The following CRTC1 variants were observed in gnomAD, a reference collection of about 807,000 sequenced individuals.
CRTC1 encodes CREB regulated transcription coactivator 1, also known as CREB-regulated transcription coactivator 1.
Under a neutral mutation model 66.1 loss-of-function variants are expected in CRTC1, and 18 were observed. That is an observed-to-expected ratio of 0.27 (90% CI 0.19 to 0.40). CRTC1 has a LOEUF of 0.40. Ranked by LOEUF, CRTC1 falls within the 10% of genes least tolerant of loss-of-function variation. CRTC1 has a pLI of 1.00. For synonymous variants in CRTC1, 416 were observed against 398.8 expected (o/e 1.04, Z -0.51); for missense variants, 669 against 887.9 (o/e 0.75, Z 3.13).
In CRTC1 at chr19:18,778,587, C is replaced by T; in HGVS notation, c.*1205C>T. The T allele has an allele frequency of 4.3e-6, 1 of 230,920 alleles. No homozygotes were observed. The highest frequency in any genetic ancestry group is 8.6e-6 in the Non-Finnish European group (1 of 116,574). 14.3% of individuals were successfully genotyped at this position (230,920 alleles called of 1,614,324 possible). A position where few individuals can be genotyped will look rare whatever the true frequency, so the allele number is the denominator to read the frequency against. On this transcript the variant is annotated 3_prime_UTR_variant, in exon 14 of 14. Transcript: ENST00000321949. ...GGCAGAGGTGCCTCTGCCAGGGCCA[C>T]AGAACAGACTTCCGGGAAGGGGCCT... is the stretch of plus-strand genomic sequence containing the variant.
intron 11 of CRTC1, among the ~76,000 whole-genome samples, chr19:18,773,125 G>T (rs956737778): frequency 6.6e-6 from 1 of 152,166 alleles, no homozygotes; most frequent in African/African-American, 2.4e-5. Context: ...TCTGGTGTCC[G>T]TCGTGCGCTG....
At chr19:18,772,702 C>T (rs2054897125) in intron 11 of CRTC1, among the ~76,000 whole-genome samples, 1 of 152,222 alleles carries the variant, frequency 6.6e-6, no homozygotes, top group African/African-American at 2.4e-5. Context: ...TCTGGGACCA[C>T]TGCCTGTAGC....
chr19:18,744,991 G>A (rs2054199122), intron 2 of CRTC1, among the ~76,000 whole-genome samples: 3 of 152,222 alleles, frequency 2.0e-5, no homozygotes, highest in Non-Finnish European at 1.5e-5. Context: ...CCAGATGGCC[G>A]GACTGGGGGA....
At chr19:18,726,212 C>T (rs1233779528) in intron 1 of CRTC1, among the ~76,000 whole-genome samples, 1 of 152,256 alleles carries the variant, frequency 6.6e-6, no homozygotes, top group African/African-American at 2.4e-5. Context: ...AGGCACTCGG[C>T]GGACGCTGCC....
At chr19:18,721,492 CTTTTTTTT>C (rs56049346) in intron 1 of CRTC1, among the ~76,000 whole-genome samples, 1 of 122,104 alleles carries the variant, frequency 8.2e-6, no homozygotes, top group Non-Finnish European at 1.6e-5. Context: ...CACACCCGGC[CTTTTTTTT>C]TTTTTTTTTT....
chr19:18,728,727 A>G (rs2053815648), intron 1 of CRTC1, among the ~76,000 whole-genome samples: 1 of 149,922 alleles, frequency 6.7e-6, no homozygotes, highest in Non-Finnish European at 1.5e-5. Context: ...CTGGTCTAGA[A>G]CTCCTGACCT....
At chr19:18,691,960 G>A (rs11672177) in intron 1 of CRTC1, among the ~76,000 whole-genome samples, 13,000 of 152,112 alleles carry the variant, frequency 0.085, 703 homozygotes, top group Non-Finnish European at 0.12. Flanking sequence ...TGATCCACCT[G>A]CCTCGGCCTC....
chr19:18,726,344 G>T (rs1486007558), intron 1 of CRTC1, among the ~76,000 whole-genome samples: 1 of 152,264 alleles, frequency 6.6e-6, no homozygotes, highest in Admixed American at 6.5e-5. Flanking sequence ...AGGAGGCCCA[G>T]GCCCGGGAGG....
intron 6 of CRTC1, among the ~76,000 whole-genome samples, chr19:18,758,289 G>T (rs2054536542): frequency 6.6e-6 from 1 of 151,410 alleles, no homozygotes; most frequent in African/African-American, 2.4e-5. Context: ...GAACCCGGGA[G>T]GCGGAGCTTG....
intron 1 of CRTC1, among the ~76,000 whole-genome samples, chr19:18,738,317 A>AAAAT (rs894376280): frequency 2.0e-5 from 3 of 152,206 alleles, no homozygotes; most frequent in African/African-American, 7.2e-5. Context: ...AGCCTGTCTC[A>AAAAT]AAATAAATAA....
At position 18,768,740 on chromosome 19, in the gene CRTC1, C is replaced by A. The variant is rs903948333; in HGVS notation, c.1267C>A (p.Gln423Lys). ...AGTCACGGTACCGTCCTCTCTCCCC[C>A]AGTCCCCCCCAGAGAACCCTGGCCA... is the stretch of plus-strand genomic sequence containing the variant. ...LAVTVPSSLPQSPPENPGQPS... is the reference protein window; with the variant it reads ...LAVTVPSSLPKSPPENPGQPS... The change falls in exon 10 of 14, where the codon CAG becomes AAG. Residue 423 changes from glutamine (Q) to lysine (K), a missense_variant. Transcript: ENST00000321949. The surrounding 1 kb of genome is among the most constrained non-coding windows in gnomAD (Gnocchi z 5.6). 2.5e-6 allele frequency: 4 copies of A among 1,599,864 alleles called. No homozygotes were observed. The East Asian group carries it at 6.8e-5, about 27-fold the overall frequency.
At chr19:18,711,553 A>G (rs1204302338) in intron 1 of CRTC1, among the ~76,000 whole-genome samples, 1 of 152,220 alleles carries the variant, frequency 6.6e-6, no homozygotes, top group Non-Finnish European at 1.5e-5. Flanking sequence ...AATGCTTCTC[A>G]GACCTCAGGA....
At chr19:18,728,159 G>A (rs2053802410) in intron 1 of CRTC1, among the ~76,000 whole-genome samples, 1 of 152,164 alleles carries the variant, frequency 6.6e-6, no homozygotes. Flanking sequence ...TGGACCAAGG[G>A]GGACTCTGGG....
In CRTC1 at chr19:18,683,839, T is replaced by G. The variant is rs2052618040; in HGVS notation, c.126+11T>G. 1 of 1,224,772 alleles carries G rather than the reference T, an allele frequency of 8.2e-7. No individual in the cohort carries two copies. Among genetic ancestry groups the G allele is most frequent in the African/African-American group, 1.7e-5 (1 of 59,646 alleles). 75.9% of individuals were successfully genotyped at this position (1,224,772 alleles called of 1,614,324 possible). On this transcript the variant is annotated intron_variant, in intron 1 of 13. Coordinates refer to ENST00000321949, the MANE Select transcript of CRTC1 (RefSeq NM_015321.3). ...ACGCGGGCCGCGCGGGTAAGGGGGC[T>G]GCCCGCGCCGACCCTTCAGGGCCGG...
At chr19:18,770,218 C>G (rs897536480) in intron 10 of CRTC1, among the ~76,000 whole-genome samples, 7 of 152,354 alleles carry the variant, frequency 4.6e-5, no homozygotes, top group African/African-American at 1.7e-4. Flanking sequence ...TGGTCTGAAT[C>G]CGGGGCCTGG....
intron 1 of CRTC1, among the ~76,000 whole-genome samples, chr19:18,699,521 G>A (rs2053079117): frequency 6.6e-6 from 1 of 152,168 alleles, no homozygotes; most frequent in African/African-American, 2.4e-5. Context: ...CTGCAGCAGT[G>A]AGGGTTTGGA....
intron 10 of CRTC1, among the ~76,000 whole-genome samples, chr19:18,769,198 C>G (rs2054808326): frequency 6.6e-6 from 1 of 152,220 alleles, no homozygotes; most frequent in South Asian, 2.1e-4. Flanking sequence ...AAAGACGAGG[C>G]CAGTCCAAGA....
Position 18,693,583 on chromosome 19 carries a change from G to A in CRTC1, c.126+9755G>A, listed in dbSNP as rs576274138. 1.4e-4 allele frequency among the ~76,000 whole-genome samples: 21 copies of A among 148,504 alleles called. No homozygotes were observed. In the East Asian group the frequency reaches 1.9e-3, roughly 14 times the overall value. ...TGCAAGCTCCGCCTCCTGGGTTCACGCCCTTCTCCTGCCTCAGCCTCCTGA... is the reference window on the plus strand; with the variant it reads ...TGCAAGCTCCGCCTCCTGGGTTCACACCCTTCTCCTGCCTCAGCCTCCTGA... On this transcript the variant is annotated intron_variant, in intron 1 of 13. Transcript: ENST00000321949.
chr19:18,770,734 GAT>G (rs2054844000), intron 10 of CRTC1, among the ~76,000 whole-genome samples: 1 of 151,500 alleles, frequency 6.6e-6, no homozygotes, highest in East Asian at 2.0e-4. Context: ...TTTGTGTGTG[GAT>G]ATGTGTGCTT....
Sources: gnomAD v4.1 joint callset for allele counts (sites outside exome capture counted in the v4.1 genomes callset) on GRCh38, gnomAD v4.1.1 for gene constraint, Gnocchi (gnomAD v3.1) non-coding constraint, MANE v1.5 for transcripts, NCBI Gene and HGNC (gene_info 2026-07-23, HGNC 2026-07-21) for gene names.